Variants in NDUFB6 observed in about 807,000 individuals in gnomAD.
The protein encoded by NDUFB6 is NADH dehydrogenase [ubiquinone] 1 beta subcomplex subunit 6.
Under a neutral mutation model 17.5 loss-of-function variants are expected in NDUFB6, and 23 were observed. That is an observed-to-expected ratio of 1.31 (90% CI 0.94 to 1.86). The LOEUF (loss-of-function observed/expected upper bound fraction) is 1.86. Ranked by LOEUF, NDUFB6 falls within the 40% of genes most tolerant of loss-of-function variation. The probability of loss-of-function intolerance (pLI) is 0.00; values close to 1 mark genes in which losing one functional copy is unlikely to be tolerated. For missense variants in NDUFB6, 167 were observed against 153.8 expected (o/e 1.09, Z -0.46); for synonymous variants, 60 against 53.5 (o/e 1.12, Z -0.53).
chr9:32,567,141 A>G (rs1821820455), intron 2 of NDUFB6: 1 of 477,868 alleles, frequency 2.1e-6, no homozygotes, highest in Non-Finnish European at 4.3e-6. Context: ...GATGTACTCA[A>G]CGCCTCTGGG....
chr9:32,558,902 A>T lies in NDUFB6; in HGVS notation c.318+8T>A. The T allele has an allele frequency of 3.2e-6, 5 of 1,553,350 alleles. No individual in the cohort carries two copies. Among genetic ancestry groups the T allele is most frequent in the Non-Finnish European group, 4.4e-6 (5 of 1,132,980 alleles). On this transcript the variant is annotated splice_region_variant and intron_variant, in intron 3 of 3. Coordinates refer to ENST00000379847, the MANE Select transcript of NDUFB6 (RefSeq NM_002493.5). ...AACAAAAGAAAAATCAGAAGTGTTAAGACTTACAGGGAATATTCTGGACTT... is the reference window on the plus strand; with the variant it reads ...AACAAAAGAAAAATCAGAAGTGTTATGACTTACAGGGAATATTCTGGACTT...
chr9:32,563,809 C>T (rs926248755), intron 2 of NDUFB6, among the ~76,000 whole-genome samples: 1 of 152,134 alleles, frequency 6.6e-6, no homozygotes, highest in Non-Finnish European at 1.5e-5. Context: ...ATTCAGGTGA[C>T]TATCATCTAT....
In NDUFB6 at chr9:32,572,970, G is replaced by A. The variant is rs974033134; in HGVS notation, c.91C>T (p.Arg31Trp). 4 of 1,611,556 alleles carry A rather than the reference G, an allele frequency of 2.5e-6. No individual in the cohort carries two copies. Among genetic ancestry groups the A allele is most frequent in the South Asian group, 1.1e-5 (1 of 90,968 alleles). ...RWLKDQELSP[R>W]EPVLPPQKMG... Reference sequence around the variant, plus strand: ...TTCTGTGGGGGCAGCACCGGCTCCCGAGGGCTCAGCTCCTGGTCCTTCAGC... The same window carrying A: ...TTCTGTGGGGGCAGCACCGGCTCCCAAGGGCTCAGCTCCTGGTCCTTCAGC... The change falls in exon 1 of 4, where the codon CGG (arginine) becomes TGG (tryptophan). Residue 31 changes from arginine (R) to tryptophan (W), a missense_variant. Transcript: ENST00000379847.
rs780584766 is a variant in NDUFB6 at position 32,566,877 on chromosome 9, C to A, written c.273+4083G>T. The A allele has an allele frequency of 3.1e-5, 20 of 636,710 alleles. No individual in the cohort carries two copies. In the East Asian group the frequency reaches 4.9e-4, roughly 16 times the overall value. 39.4% of individuals were successfully genotyped at this position (636,710 alleles called of 1,614,324 possible). On this transcript the variant is annotated intron_variant, in intron 2 of 3. Transcript: ENST00000379847. The stretch of plus-strand genomic sequence containing the variant: ...GGGCGGCCTGGATGAGCCACGCGTG[C>A]GGCTGGCGAAAAGCACTGAGGAAGC...
Position 32,573,119 on chromosome 9 carries a change from C to CTTAA in NDUFB6, c.-63_-60dup. The CTTAA allele has an allele frequency of 2.1e-6, 3 of 1,449,666 alleles. No individual in the cohort carries two copies. The highest frequency in any genetic ancestry group is 2.7e-6 in the Non-Finnish European group (3 of 1,098,026). 89.8% of individuals were successfully genotyped at this position (1,449,666 alleles called of 1,614,324 possible). On this transcript the variant is annotated 5_prime_UTR_variant, in exon 1 of 4. Coordinates refer to ENST00000379847, the MANE Select transcript of NDUFB6 (RefSeq NM_002493.5). Reference sequence around the variant, plus strand: ...GCACCCTCGAACTACGGACTAGTTACTTAAGCGCGCTCCCGCTCTGCAAAG... The same window carrying CTTAA: ...GCACCCTCGAACTACGGACTAGTTACTTAATTAAGCGCGCTCCCGCTCTGCAAAG...
intron 1 of NDUFB6, among the ~76,000 whole-genome samples, chr9:32,571,439 C>T (rs1239478045): frequency 1.3e-5 from 2 of 152,160 alleles, no homozygotes; most frequent in Non-Finnish European, 2.9e-5. Context: ...CAGGTATAGT[C>T]ATCTCCCTTA....
chr9:32,567,953 G>A (rs938070111), intron 2 of NDUFB6: 2 of 168,196 alleles, frequency 1.2e-5, no homozygotes, highest in African/African-American at 4.8e-5. Context: ...GGTAGGCTGA[G>A]GCAGGAGAAT....
chr9:32,565,045 C>T (rs972735539), intron 2 of NDUFB6, among the ~76,000 whole-genome samples: 1 of 152,202 alleles, frequency 6.6e-6, no homozygotes, highest in Non-Finnish European at 1.5e-5. Flanking sequence ...GTAATCCCAG[C>T]ACTTTGGGTG....
Position 32,571,008 on chromosome 9 carries a change from T to C in NDUFB6, c.225A>G (p.Val75=). 2 of 1,606,438 alleles carry C rather than the reference T, an allele frequency of 1.2e-6. No individual in the cohort carries two copies. Among genetic ancestry groups the C allele is most frequent in the Non-Finnish European group, 1.7e-6 (2 of 1,175,478 alleles). Reference sequence around the variant, plus strand: ...AATGAATAATCCAGACAGGTACAAGTACATGAGTGAAAACAAAGATACTCT... The same window carrying C: ...AATGAATAATCCAGACAGGTACAAGCACATGAGTGAAAACAAAGATACTCT... ...YKKSIFVFTH[V]LVPVWIIHYY... The change falls in exon 2 of 4, where the codon GTA becomes GTG. Residue 75 remains valine (V), a synonymous_variant. Transcript: ENST00000379847.
intron 3 of NDUFB6, among the ~76,000 whole-genome samples, 159 bp downstream of exon 3, chr9:32,558,751 T>TTTTTG: frequency 6.6e-6 from 1 of 152,082 alleles, no homozygotes; most frequent in East Asian, 1.9e-4. Context: ...TTCCTGTTTT[T>TTTTTG]TTTTGTTTTG....
chr9:32,563,534 G>C (rs953571327), intron 2 of NDUFB6, among the ~76,000 whole-genome samples: 2 of 129,200 alleles, frequency 1.5e-5, no homozygotes, highest in Non-Finnish European at 3.2e-5. Flanking sequence ...ATGTTGCCCA[G>C]GTTGATCTCA....
chr9:32,558,922 G>C lies in NDUFB6; in HGVS notation c.306C>G (p.Ser102=). Residue 102 remains serine, a synonymous_variant, in exon 3 of 4, where the codon TCC becomes TCG. Transcript: ENST00000379847. ...EKPYGIVEKK[S]RIFPGDTILE... The stretch of plus-strand genomic sequence containing the variant: ...TGTTAAGACTTACAGGGAATATTCT[G>C]GACTTCTTTTCAACTATGCCATATG... 1 of 1,582,616 alleles carries C rather than the reference G, an allele frequency of 6.3e-7. No individual in the cohort carries two copies. Among genetic ancestry groups the C allele is most frequent in the Non-Finnish European group, 8.7e-7 (1 of 1,154,728 alleles).
chr9:32,568,649 T>TATATATATGTATATATGTAC (rs1821866379), intron 2 of NDUFB6: 1 of 167,028 alleles, frequency 6.0e-6, no homozygotes, highest in African/African-American at 2.5e-5. Context: ...CATATACATA[T>TATATATATGTATATATGTAC]ATATATATGT....
chr9:32,558,117 A>ATTTTTTT lies in NDUFB6; in HGVS notation c.318+786_318+792dup, dbSNP rs74178816. ...TATAGCTCACACATTCATAGTATAC[A>ATTTTTTT]TTTTTTTTTTTTGAGACGGAGTCTC... On this transcript the variant is annotated intron_variant, in intron 3 of 3. Transcript: ENST00000379847. Among the ~76,000 whole-genome samples the ATTTTTTT allele has an allele frequency of 6.7e-5, 9 of 135,252 alleles. 3 individuals carry two copies. The highest frequency in any genetic ancestry group is 2.1e-4 in the East Asian group (1 of 4,842). 88.7% of individuals were successfully genotyped at this position (135,252 alleles called of 152,430 possible). A position where few individuals can be genotyped will look rare whatever the true frequency, so the allele number is the denominator to read the frequency against.
chr9:32,572,955 G>T lies in NDUFB6; in HGVS notation c.106C>A (p.Pro36Thr), dbSNP rs778995929. 2 of 1,610,922 alleles carry T rather than the reference G, an allele frequency of 1.2e-6. No homozygotes were observed. The highest frequency in any genetic ancestry group is 3.4e-5 in the Admixed American group (2 of 59,686). ...TCCATAGGCCCCATCTTCTGTGGGGGCAGCACCGGCTCCCGAGGGCTCAGC... is the reference window on the plus strand; with the variant it reads ...TCCATAGGCCCCATCTTCTGTGGGGTCAGCACCGGCTCCCGAGGGCTCAGC... Reference protein sequence around the residue: ...QELSPREPVLPPQKMGPMEKF... With the variant: ...QELSPREPVLTPQKMGPMEKF... The change falls in exon 1 of 4, where the codon CCC becomes ACC. Residue 36 changes from proline to threonine, a missense_variant. Physicochemically the swap from Pro to Thr is conservative, Grantham distance 38 (BLOSUM62 -1). Coordinates refer to ENST00000379847, the MANE Select transcript of NDUFB6 (RefSeq NM_002493.5).
At chr9:32,566,635 AG>A in intron 2 of NDUFB6, 1 of 792,538 alleles carries the variant, frequency 1.3e-6, no homozygotes, top group Non-Finnish European at 2.3e-6. Flanking sequence ...CCCACCATGG[AG>A]GAGCAGGAGC....
intron 2 of NDUFB6, 151 bp from the exon 3 acceptor site, chr9:32,559,105 T>G: frequency 2.0e-6 from 1 of 505,440 alleles, no homozygotes; most frequent in Non-Finnish European, 3.6e-6. Flanking sequence ...CATCTCTACT[T>G]AGCTATCAAA....
chr9:32,555,896 G>T (rs904945096), intron 3 of NDUFB6, among the ~76,000 whole-genome samples: 5 of 152,228 alleles, frequency 3.3e-5, no homozygotes, highest in African/African-American at 1.2e-4. Flanking sequence ...ACACGGGTTA[G>T]GAGTGAGATT....
intron 2 of NDUFB6, among the ~76,000 whole-genome samples, chr9:32,564,663 G>A (rs540851307): frequency 6.6e-6 from 1 of 152,192 alleles, no homozygotes; most frequent in African/African-American, 2.4e-5. Flanking sequence ...TCAGATCAGC[G>A]TTTCCTTCCA....
Sources: gnomAD v4.1 joint callset for allele counts (sites outside exome capture counted in the v4.1 genomes callset) on GRCh38, gnomAD v4.1.1 for gene constraint, MANE v1.5 for transcripts, NCBI Gene and HGNC (gene_info 2026-07-23, HGNC 2026-07-21) for gene names.